The following PARG variants were observed in gnomAD, a reference collection of about 807,000 sequenced individuals.
The protein encoded by PARG is mitochondrial poly(ADP-ribose) glycohydrolase.
Under a neutral mutation model 113.0 loss-of-function variants are expected in PARG, and 35 were observed. That is an observed-to-expected ratio of 0.31 (90% CI 0.24 to 0.41). The LOEUF is 0.41. Among genes scored for constraint, PARG ranks in the 10% least tolerant of loss-of-function variants. The pLI, the probability that PARG is intolerant of heterozygous loss-of-function variation, is 1.00. For missense variants in PARG, 797 were observed against 1,169.4 expected (o/e 0.68, Z 4.64); for synonymous variants, 330 against 409.9 (o/e 0.81, Z 2.36).
At chr10:49,912,555 C>T (rs1244230981) in intron 7 of PARG, among the ~76,000 whole-genome samples, 75 of 152,008 alleles carry the variant, frequency 4.9e-4, no homozygotes, top group Non-Finnish European at 9.0e-4. Flanking sequence ...CCTAGCTACT[C>T]GGGAAGCTGA....
intron 13 of PARG, among the ~76,000 whole-genome samples, chr10:49,856,352 G>C (rs1362395676): frequency 3.9e-4 from 59 of 151,612 alleles, no homozygotes; most frequent in Non-Finnish European, 6.0e-4. Context: ...GCTAATTTTT[G>C]TATTTTTAGT....
chr10:49,915,931 C>A lies in PARG; in HGVS notation c.1723G>T (p.Asp575Tyr). 2 of 1,507,692 alleles carry A rather than the reference C, an allele frequency of 1.3e-6. No individual in the cohort carries two copies. The highest frequency in any genetic ancestry group is 1.2e-5 in the South Asian group (1 of 83,208). The allele number at this position is 1,507,692 out of a possible 1,614,324, so 93.4% of individuals were successfully genotyped here. Residue 575 changes from aspartate (D) to tyrosine (Y), a missense_variant, in exon 7 of 18, where the codon GAT becomes TAT. Asp to Tyr is a radical substitution (Grantham distance 160, BLOSUM62 -3). Coordinates refer to ENST00000616448, the MANE Select transcript of PARG (RefSeq NM_003631.5). ...GATACTTTTACCTTATCCCAGAAAT[C>A]GATCAAAGCTGTAAAGTCCCATTTC... Reference protein sequence around the residue: ...SKKWDFTALIDFWDKVLEEAE... With the variant: ...SKKWDFTALIYFWDKVLEEAE...
intron 16 of PARG, among the ~76,000 whole-genome samples, chr10:49,824,836 C>T (rs1164848243): frequency 6.6e-6 from 1 of 152,142 alleles, no homozygotes; most frequent in Non-Finnish European, 1.5e-5. Flanking sequence ...TCAGGTCACA[C>T]AGCCAGAAAG....
chr10:49,925,993 G>A (rs1448604252), intron 4 of PARG, among the ~76,000 whole-genome samples: 1 of 152,186 alleles, frequency 6.6e-6, no homozygotes, highest in Non-Finnish European at 1.5e-5. Context: ...CATTGGCTGG[G>A]GTCGGGTCGT....
In PARG at chr10:49,928,841, T is replaced by C. The variant is rs141779859; in HGVS notation, c.1455+3259A>G. 3.9e-3 allele frequency among the ~76,000 whole-genome samples: 589 copies of C among 152,304 alleles called. 7 individuals are homozygous for C. The highest frequency in any genetic ancestry group is 0.014 in the African/African-American group (569 of 41,568). On this transcript the variant is annotated intron_variant, in intron 4 of 17. Transcript: ENST00000616448. ...ATTTCAAAATCTGTAACTATTAACATCTGGAATCTTAATAATGTAACTAAA... is the reference window on the plus strand; with the variant it reads ...ATTTCAAAATCTGTAACTATTAACACCTGGAATCTTAATAATGTAACTAAA...
chr10:49,845,810 T>C (rs1273112596), intron 13 of PARG, among the ~76,000 whole-genome samples: 1 of 150,972 alleles, frequency 6.6e-6, no homozygotes, highest in East Asian at 1.9e-4. Flanking sequence ...GGCAGGGGCA[T>C]CACTTGAACC....
Position 49,933,973 on chromosome 10 carries a change from T to G in PARG, c.475A>C (p.Asn159His). The G allele has an allele frequency of 3.1e-6, 5 of 1,603,626 alleles. No homozygotes were observed. The highest frequency in any genetic ancestry group is 4.3e-6 in the Non-Finnish European group (5 of 1,170,438). The change falls in exon 3 of 18, where the codon AAT becomes CAT. Residue 159 changes from asparagine (N) to histidine (H), a missense_variant. Around this residue, in one of 5 missense-constraint regions of PARG, gnomAD observed 284 missense variants for 306.1 expected, o/e 0.93. Coordinates refer to ENST00000616448, the MANE Select transcript of PARG (RefSeq NM_003631.5). ...HQTAAMCKWQ[N>H]EGKHTEQLLE... Reference sequence around the variant, plus strand: ...AGCTGCTCCGTGTGTTTCCCTTCATTTTGCCACTTACACATTGCTGCAGTC... The same window carrying G: ...AGCTGCTCCGTGTGTTTCCCTTCATGTTGCCACTTACACATTGCTGCAGTC...
At chr10:49,935,865 G>C (rs1838716066) in intron 1 of PARG, among the ~76,000 whole-genome samples, 1 of 152,144 alleles carries the variant, frequency 6.6e-6, no homozygotes, top group African/African-American at 2.4e-5. Flanking sequence ...ATAGGATCTT[G>C]AATGACCCAC....
intron 15 of PARG, among the ~76,000 whole-genome samples, chr10:49,835,743 A>G (rs1239832002): frequency 2.0e-5 from 3 of 152,094 alleles, no homozygotes; most frequent in African/African-American, 4.8e-5. Flanking sequence ...AAACTGATGT[A>G]TAAGATTTTA....
At chr10:49,839,819 T>C (rs180828756) in intron 15 of PARG, among the ~76,000 whole-genome samples, 1 of 152,242 alleles carries the variant, frequency 6.6e-6, no homozygotes, top group African/African-American at 2.4e-5. Context: ...TGTATTCATG[T>C]ATTAACTGTG....
intron 7 of PARG, among the ~76,000 whole-genome samples, chr10:49,891,623 A>ATTTTTTTT (rs1160158066): frequency 2.1e-5 from 1 of 47,438 alleles, no homozygotes; most frequent in African/African-American, 1.0e-4. Context: ...ATATATATAT[A>ATTTTTTTT]TTTTTTTTTT....
At chr10:49,853,822 A>G (rs1442050613) in intron 13 of PARG, among the ~76,000 whole-genome samples, 1 of 152,224 alleles carries the variant, frequency 6.6e-6, no homozygotes, top group Non-Finnish European at 1.5e-5. Flanking sequence ...AAGCAGAATC[A>G]CAGGGATAAA....
intron 15 of PARG, among the ~76,000 whole-genome samples, chr10:49,835,437 A>G (rs1844867573): frequency 6.6e-6 from 1 of 152,188 alleles, no homozygotes; most frequent in Non-Finnish European, 1.5e-5. Context: ...GATAGTAAGC[A>G]GAAGATACCA....
At chr10:49,932,923 C>A (rs1254125665) in intron 3 of PARG, among the ~76,000 whole-genome samples, 3 of 151,814 alleles carry the variant, frequency 2.0e-5, no homozygotes, top group Non-Finnish European at 4.4e-5. Flanking sequence ...CATGTTCTAG[C>A]AATTCCCATA....
At chr10:49,906,144 CTTTTT>C (rs71471360) in intron 7 of PARG, among the ~76,000 whole-genome samples, 23 of 111,074 alleles carry the variant, frequency 2.1e-4, no homozygotes, top group African/African-American at 6.6e-4. Flanking sequence ...GATGCTGCCG[CTTTTT>C]TTTTTTTTTT....
intron 16 of PARG, among the ~76,000 whole-genome samples, chr10:49,829,815 C>T (rs1276951066): frequency 6.6e-6 from 1 of 152,090 alleles, no homozygotes; most frequent in African/African-American, 2.4e-5. Flanking sequence ...GGTATTTCTC[C>T]CATTTGTCAA....
At chr10:49,897,992 C>G (rs1217005915) in intron 7 of PARG, among the ~76,000 whole-genome samples, 2 of 149,510 alleles carry the variant, frequency 1.3e-5, no homozygotes, top group African/African-American at 2.5e-5. Context: ...GACTCTGTCT[C>G]AAAAAAAACA....
intron 16 of PARG, among the ~76,000 whole-genome samples, chr10:49,829,802 T>C (rs1940915878): frequency 6.6e-6 from 1 of 152,248 alleles, no homozygotes; most frequent in South Asian, 2.1e-4. Context: ...ATGGCATACA[T>C]TGGGTATTTC....
chr10:49,934,166 A>C lies in PARG; in HGVS notation c.285-3T>G, dbSNP rs1254341575. ...TGTTGTTTTCTTTACTATCCAAACTACAAGAGAACAGAAAGAACTAAAAAC... is the reference window on the plus strand; with the variant it reads ...TGTTGTTTTCTTTACTATCCAAACTCCAAGAGAACAGAAAGAACTAAAAAC... On this transcript the variant is annotated splice_polypyrimidine_tract_variant and splice_region_variant and intron_variant, in intron 2 of 17. Transcript: ENST00000616448. 1.0e-6 allele frequency: 1 copy of C among 987,282 alleles called. No homozygotes were observed. The highest frequency in any genetic ancestry group is 1.6e-6 in the Non-Finnish European group (1 of 615,448). 61.2% of individuals were successfully genotyped at this position (987,282 alleles called of 1,614,324 possible).
Sources: gnomAD v4.1 joint callset for allele counts (sites outside exome capture counted in the v4.1 genomes callset) on GRCh38, gnomAD v4.1.1 for gene constraint, gnomAD v4.1.1 regional missense constraint, MANE v1.5 for transcripts, NCBI Gene and HGNC (gene_info 2026-07-23, HGNC 2026-07-21) for gene names.